PPP4R4: variants seen among roughly 807,000 people sequenced by gnomAD.
PPP4R4 encodes protein phosphatase 4 regulatory subunit 4, also known as serine/threonine-protein phosphatase 4 regulatory subunit 4.
Under a neutral mutation model 121.8 loss-of-function variants are expected in PPP4R4, and 70 were observed. That is an observed-to-expected ratio of 0.57 (90% CI 0.47 to 0.70). The LOEUF (loss-of-function observed/expected upper bound fraction) is 0.70, where lower values mean the gene tolerates loss of function less well. PPP4R4 is among the 30% of genes least tolerant of loss of function. PPP4R4 has a pLI of 0.00. For missense variants in PPP4R4, 875 were observed against 1,033.6 expected (o/e 0.85, Z 2.10); for synonymous variants, 348 against 355.7 (o/e 0.98, Z 0.24).
At chr14:94,259,423 T>C (rs999985217) in intron 19 of PPP4R4, 54 bp downstream of exon 19, 124 of 1,444,902 alleles carry the variant, frequency 8.6e-5, no homozygotes, top group Non-Finnish European at 1.0e-4. Flanking sequence ...AATAACTGTG[T>C]TTTTTTATTA....
At chr14:94,223,990 A>G (rs1330805598) in intron 3 of PPP4R4, among the ~76,000 whole-genome samples, 1 of 152,178 alleles carries the variant, frequency 6.6e-6, no homozygotes, top group African/African-American at 2.4e-5. Flanking sequence ...CCCTTGTGAT[A>G]TATGTCCTTA....
chr14:94,237,396 T>A (rs1311169736), intron 7 of PPP4R4, among the ~76,000 whole-genome samples, 169 bp from the exon 8 acceptor site: 1 of 152,206 alleles, frequency 6.6e-6, no homozygotes, highest in East Asian at 1.9e-4. Flanking sequence ...ATGTTTCTTA[T>A]ATGTATGGTG....
intron 14 of PPP4R4, 45 bp downstream of exon 14, chr14:94,246,584 G>A: frequency 6.5e-7 from 1 of 1,526,994 alleles, no homozygotes; most frequent in Middle Eastern, 1.8e-4. Context: ...CTCATGGTTG[G>A]TTCTGGAATT....
intron 19 of PPP4R4, among the ~76,000 whole-genome samples, chr14:94,261,559 TG>T (rs1893787845): frequency 1.3e-5 from 2 of 152,124 alleles, no homozygotes; most frequent in Admixed American, 1.3e-4. Flanking sequence ...TTATGCCTTT[TG>T]TTTCTTTCTT....
Position 94,227,786 on chromosome 14 carries a change from G to T in PPP4R4, c.295-2801G>T, listed in dbSNP as rs549233297. 5.1e-6 allele frequency: 5 copies of T among 988,156 alleles called. No individual in the cohort carries two copies. The South Asian group carries it at 2.3e-4, about 46-fold the overall frequency. The allele number at this position is 988,156 out of a possible 1,614,324, so 61.2% of individuals were successfully genotyped here. ...AATGTACGTTGTGGCCCTCACAATTGATTTTAATATTTATTTGCAAAGTCC... is the reference window on the plus strand; with the variant it reads ...AATGTACGTTGTGGCCCTCACAATTTATTTTAATATTTATTTGCAAAGTCC... On this transcript the variant is annotated intron_variant, in intron 3 of 24. Transcript: ENST00000304338.
chr14:94,219,080 C>CTTTTT (rs71301922), intron 3 of PPP4R4, among the ~76,000 whole-genome samples: 88 of 106,866 alleles, frequency 8.2e-4, no homozygotes, highest in Non-Finnish European at 1.2e-3. Context: ...CTTTTCTTTT[C>CTTTTT]TTTTTTTTTT....
At chr14:94,176,001 G>A (rs1888661045) in intron 1 of PPP4R4, 53 bp from the exon 2 acceptor site, 3 of 1,419,014 alleles carry the variant, frequency 2.1e-6, no homozygotes, top group Admixed American at 3.3e-5. Context: ...AGGTTGGGGG[G>A]CAAGACTGAA....
rs181273206 is a variant in PPP4R4, at chr14:94,237,042, C to T, written c.732-523C>T. On this transcript the variant is annotated intron_variant, in intron 7 of 24. Coordinates refer to ENST00000304338, the MANE Select transcript of PPP4R4 (RefSeq NM_058237.2). ...GTGATTGTATTATAAATATTGTATA[C>T]TCCCTAAAAGTATTTATATTATGTT... Among the ~76,000 whole-genome samples the T allele has an allele frequency of 9.1e-3, 1,387 of 152,186 alleles. 26 individuals are homozygous for T. Among genetic ancestry groups the T allele is most frequent in the African/African-American group, 0.031 (1,307 of 41,536 alleles).
At chr14:94,272,275 G>A (rs889433812) in intron 23 of PPP4R4, among the ~76,000 whole-genome samples, 2 of 152,138 alleles carry the variant, frequency 1.3e-5, no homozygotes, top group African/African-American at 2.4e-5. Context: ...AAGCTACAGC[G>A]ATCAAGACAG....
At chr14:94,270,594 A>T (rs988111976) in intron 23 of PPP4R4, among the ~76,000 whole-genome samples, 1 of 152,330 alleles carries the variant, frequency 6.6e-6, no homozygotes, top group Non-Finnish European at 1.5e-5. Context: ...ATAATATTTT[A>T]AAAAATGGTG....
chr14:94,175,540 C>G (rs2139364004), intron 1 of PPP4R4: 1 of 155,212 alleles, frequency 6.4e-6, no homozygotes, highest in East Asian at 1.9e-4. Flanking sequence ...GCCTCTCACT[C>G]CCACCTGCCG....
At chr14:94,217,745 A>G (rs1891105818) in intron 3 of PPP4R4, among the ~76,000 whole-genome samples, 1 of 152,248 alleles carries the variant, frequency 6.6e-6, no homozygotes, top group Non-Finnish European at 1.5e-5. Flanking sequence ...CTGTAATCCC[A>G]GCACTTTGGG....
chr14:94,258,783 A>G lies in PPP4R4; in HGVS notation c.2011A>G (p.Thr671Ala), dbSNP rs1481529195. Residue 671 changes from threonine to alanine, a missense_variant and splice_region_variant, in exon 18 of 25, where the codon ACT becomes GCT. Thr to Ala is a moderately conservative substitution (Grantham distance 58, BLOSUM62 0). Transcript: ENST00000304338. ...DKDVLAIVKRTVLELDRMEMS... is the reference protein window; with the variant it reads ...DKDVLAIVKRAVLELDRMEMS... The stretch of plus-strand genomic sequence containing the variant: ...ATAATTTTAAAAACTTTCCTTATAG[A>G]CTGTATTAGAGTTGGACAGAATGGA... The G allele has an allele frequency of 1.9e-6, 3 of 1,567,520 alleles. No homozygotes were observed. The highest frequency in any genetic ancestry group is 2.2e-5 in the East Asian group (1 of 44,620).
intron 2 of PPP4R4, among the ~76,000 whole-genome samples, chr14:94,186,428 G>C (rs766335198): frequency 6.6e-6 from 1 of 152,034 alleles, no homozygotes; most frequent in Non-Finnish European, 1.5e-5. Context: ...TGCCTATATC[G>C]TTAATTTACT....
At position 94,241,805 on chromosome 14, in the gene PPP4R4, C is replaced by G. The variant is rs1228662792; in HGVS notation, c.994C>G (p.Gln332Glu). The G allele has an allele frequency of 1.9e-6, 3 of 1,587,438 alleles. No individual in the cohort carries two copies. The highest frequency in any genetic ancestry group is 2.6e-6 in the Non-Finnish European group (3 of 1,172,118). ...TGTTTTAGGAATTTTCACTCCAGAT[C>G]AGCACTTGAGATTTTTGGAATTTTA... The part of the protein sequence containing the change: ...HGLYGIFTPD[Q>E]HLRFLEFYKK... The change falls in exon 10 of 25, where the codon CAG becomes GAG. Residue 332 changes from glutamine to glutamate, a missense_variant. Transcript: ENST00000304338.
intron 23 of PPP4R4, among the ~76,000 whole-genome samples, chr14:94,274,015 T>G (rs1468055013): frequency 6.6e-6 from 1 of 152,100 alleles, no homozygotes; most frequent in Non-Finnish European, 1.5e-5. Flanking sequence ...TCCCACCCTT[T>G]CTAGTCTCCA....
At chr14:94,255,783 G>A (rs533318391) in intron 16 of PPP4R4, among the ~76,000 whole-genome samples, 1 of 152,168 alleles carries the variant, frequency 6.6e-6, no homozygotes, top group Non-Finnish European at 1.5e-5. Flanking sequence ...GATGATGCTT[G>A]TAAAACATTG....
chr14:94,211,741 C>T lies in PPP4R4; in HGVS notation c.294+3175C>T, dbSNP rs1378630434. 4.6e-5 allele frequency among the ~76,000 whole-genome samples: 7 copies of T among 152,040 alleles called. 1 individual carries two copies. The highest frequency in any genetic ancestry group is 3.9e-4 in the Admixed American group (6 of 15,256). ...TAGTTAGGAAGCTTCAGTTCTGGCC[C>T]TCATAGCTAGTATGAGGACAACTAA... On this transcript the variant is annotated intron_variant, in intron 3 of 24. Coordinates refer to ENST00000304338, the MANE Select transcript of PPP4R4 (RefSeq NM_058237.2).
chr14:94,276,079 A>T (rs1894623918), intron 24 of PPP4R4, among the ~76,000 whole-genome samples: 1 of 152,086 alleles, frequency 6.6e-6, no homozygotes, highest in Non-Finnish European at 1.5e-5. Context: ...TCTTTCTTTT[A>T]CCTTAAATAT....
Sources: gnomAD v4.1 joint callset for allele counts (sites outside exome capture counted in the v4.1 genomes callset) on GRCh38, gnomAD v4.1.1 for gene constraint, MANE v1.5 for transcripts, NCBI Gene and HGNC (gene_info 2026-07-23, HGNC 2026-07-21) for gene names.